The following LMNTD1 variants were observed in gnomAD, a reference collection of about 807,000 sequenced individuals.
The protein encoded by LMNTD1 is lamin tail domain-containing protein 1.
In LMNTD1, 35 loss-of-function variants were observed where a neutral mutation model predicts 50.9. The ratio of observed to expected loss-of-function variants is 0.69; its 90% CI spans 0.53 to 0.91. The LOEUF is 0.91. LMNTD1 is among the 40% of genes least tolerant of loss of function. The probability of loss-of-function intolerance (pLI) is 0.00; values close to 1 mark genes in which losing one functional copy is unlikely to be tolerated. For synonymous variants in LMNTD1, 153 were observed against 161.9 expected, an observed-to-expected ratio of 0.94 and a Z score of 0.42; for missense variants, 470 against 475.5, an observed-to-expected ratio of 0.99 and a Z score of 0.11.
intron 1 of LMNTD1, among the ~76,000 whole-genome samples, chr12:25,628,536 C>A (rs997507914): frequency 3.3e-5 from 5 of 152,200 alleles, no homozygotes; most frequent in South Asian, 4.2e-4. Flanking sequence ...GAGAATGGTA[C>A]CTTATATGGC....
intron 1 of LMNTD1, among the ~76,000 whole-genome samples, chr12:25,601,815 A>T (rs11048124): frequency 0.073 from 11,130 of 151,948 alleles, 711 homozygotes; most frequent in African/African-American, 0.17. Context: ...AATATACAAT[A>T]GTTGTACATA....
chr12:25,508,227 T>G (rs1939970014), intron 8 of LMNTD1, among the ~76,000 whole-genome samples: 1 of 152,196 alleles, frequency 6.6e-6, no homozygotes, highest in South Asian at 2.1e-4. Flanking sequence ...ACCACTTGGA[T>G]CAAGAAATGG....
intron 1 of LMNTD1, among the ~76,000 whole-genome samples, chr12:25,642,216 C>T (rs1457604823): frequency 2.6e-5 from 4 of 152,126 alleles, no homozygotes; most frequent in African/African-American, 9.7e-5. Flanking sequence ...TGTTTGTGAT[C>T]CTTCCCCCAA....
chr12:25,627,880 C>T (rs944499687), intron 1 of LMNTD1, among the ~76,000 whole-genome samples: 39 of 151,754 alleles, frequency 2.6e-4, no homozygotes, highest in Non-Finnish European at 4.4e-4. Flanking sequence ...GAGGCCGAGA[C>T]GGGCGGATCA....
At position 25,575,418 on chromosome 12, in the gene LMNTD1, C is replaced by T. The variant is rs550959679; in HGVS notation, c.59-28864G>A. On this transcript the variant is annotated intron_variant, in intron 1 of 7. Coordinates refer to the LMNTD1 transcript ENST00000445693. Reference sequence around the variant, plus strand: ...CCTAGTTAACTGTTGGAAATAAATGCTTCCATAAGAGATTCATTCCAGGGC... The same window carrying T: ...CCTAGTTAACTGTTGGAAATAAATGTTTCCATAAGAGATTCATTCCAGGGC... Among the ~76,000 whole-genome samples the T allele has an allele frequency of 2.0e-5, 3 of 152,252 alleles. No individual in the cohort carries two copies. In the East Asian group the frequency reaches 5.8e-4, roughly 29 times the overall value.
chr12:25,637,435 CA>C (rs1030761167), intron 1 of LMNTD1, among the ~76,000 whole-genome samples: 4 of 151,804 alleles, frequency 2.6e-5, no homozygotes, highest in Admixed American at 1.3e-4. Flanking sequence ...TTAAAAGAAC[CA>C]AAAGGAAATT....
At chr12:25,623,119 T>C (rs1946512396) in intron 1 of LMNTD1, among the ~76,000 whole-genome samples, 1 of 152,088 alleles carries the variant, frequency 6.6e-6, no homozygotes, top group Non-Finnish European at 1.5e-5. Flanking sequence ...TGTGGCAGTC[T>C]GAGAAAACTC....
intron 4 of LMNTD1, among the ~76,000 whole-genome samples, chr12:25,532,037 T>G (rs967690377): frequency 6.6e-6 from 1 of 152,150 alleles, no homozygotes; most frequent in Non-Finnish European, 1.5e-5. Context: ...CTTGAATATT[T>G]TAGTCATTGT....
intron 1 of LMNTD1, among the ~76,000 whole-genome samples, chr12:25,564,610 A>AT (rs1057361042): frequency 4.6e-5 from 7 of 152,208 alleles, no homozygotes; most frequent in African/African-American, 1.4e-4. Flanking sequence ...CATTATTTCA[A>AT]TTTTTTTAAT....
At chr12:25,581,844 T>G (rs1040831775) in intron 1 of LMNTD1, among the ~76,000 whole-genome samples, 5 of 152,218 alleles carry the variant, frequency 3.3e-5, no homozygotes, top group African/African-American at 7.2e-5. Context: ...TGCAGGCAAT[T>G]GTAACACAAT....
At chr12:25,532,596 G>T (rs528135092) in intron 4 of LMNTD1, among the ~76,000 whole-genome samples, 2 of 152,238 alleles carry the variant, frequency 1.3e-5, no homozygotes, top group South Asian at 4.1e-4. Context: ...AAATTAATGG[G>T]TGTAACCTTC....
At chr12:25,548,128 T>G (rs1343234603) in intron 3 of LMNTD1, among the ~76,000 whole-genome samples, 1 of 151,812 alleles carries the variant, frequency 6.6e-6, no homozygotes, top group Non-Finnish European at 1.5e-5. Context: ...CAATGTAAAC[T>G]TAGGAGGTTT....
At chr12:25,527,675 TATATATACACACAC>T (rs1282281726) in intron 4 of LMNTD1, among the ~76,000 whole-genome samples, 13 of 21,990 alleles carry the variant, frequency 5.9e-4, no homozygotes, top group South Asian at 3.8e-3. Context: ...TATATATATA[TATATATACACACAC>T]ACACACACAC....
At chr12:25,559,319 C>G (rs1379770392) in intron 1 of LMNTD1, among the ~76,000 whole-genome samples, 1 of 152,024 alleles carries the variant, frequency 6.6e-6, no homozygotes, top group Non-Finnish European at 1.5e-5. Context: ...CCTTGCAATA[C>G]TTTGCTCAGA....
chr12:25,546,365 A>C lies in LMNTD1; in HGVS notation c.491+9T>G. 6.4e-7 allele frequency: 1 copy of C among 1,551,206 alleles called. No individual in the cohort carries two copies. Among genetic ancestry groups the C allele is most frequent in the East Asian group, 2.3e-5 (1 of 43,458 alleles). On this transcript the variant is annotated intron_variant, in intron 4 of 9. Coordinates refer to ENST00000458174, the MANE Select transcript of LMNTD1 (RefSeq NM_001145728.2). ...AGAAGATACTAAGTAGTTCAAATAA[A>C]ATATGTACCTGGAGGTAAATTGGCC...
chr12:25,616,212 TA>T (rs1442754596), intron 1 of LMNTD1, among the ~76,000 whole-genome samples: 1 of 152,118 alleles, frequency 6.6e-6, no homozygotes, highest in Non-Finnish European at 1.5e-5. Flanking sequence ...GACAGGGTGG[TA>T]GGGGAAGTCT....
At chr12:25,591,980 A>G (rs1945714044) in intron 1 of LMNTD1, among the ~76,000 whole-genome samples, 1 of 152,038 alleles carries the variant, frequency 6.6e-6, no homozygotes, top group Non-Finnish European at 1.5e-5. Flanking sequence ...CAAGAACCAC[A>G]GAGTTATTGG....
intron 1 of LMNTD1, among the ~76,000 whole-genome samples, chr12:25,572,916 C>T (rs1474202052): frequency 6.6e-6 from 1 of 151,814 alleles, no homozygotes; most frequent in Non-Finnish European, 1.5e-5. Flanking sequence ...GCTTTCTTCC[C>T]TTGCAGGTAA....
chr12:25,603,630 C>G (rs1946028147), intron 1 of LMNTD1, among the ~76,000 whole-genome samples: 1 of 151,898 alleles, frequency 6.6e-6, no homozygotes, highest in African/African-American at 2.4e-5. Flanking sequence ...TTCTATTATA[C>G]TAGGTCTTAT....
Sources: gnomAD v4.1 joint callset for allele counts (sites outside exome capture counted in the v4.1 genomes callset) on GRCh38, gnomAD v4.1.1 for gene constraint, MANE v1.5 for transcripts, NCBI Gene and HGNC (gene_info 2026-07-23, HGNC 2026-07-21) for gene names.